ZNF705A: variants seen among roughly 807,000 people sequenced by gnomAD.
The protein encoded by ZNF705A is zinc finger protein 705A.
Under a neutral mutation model 16.6 loss-of-function variants are expected in ZNF705A, and 8 were observed. The ratio of observed to expected loss-of-function variants is 0.48; its 90% confidence interval spans 0.28 to 0.87. The LOEUF is 0.87. Among genes scored for constraint, ZNF705A ranks in the 40% least tolerant of loss-of-function variants. The pLI, the probability that ZNF705A is intolerant of heterozygous loss-of-function variation, is 0.10. For missense variants in ZNF705A, 233 were observed against 359.9 expected (o/e 0.65, Z 2.85); for synonymous variants, 73 against 117.3 (o/e 0.62, Z 2.44).
At chr12:8,162,851 C>A (rs1293551631) in intron 1 of ZNF705A, among the ~76,000 whole-genome samples, 1 of 152,174 alleles carries the variant, frequency 6.6e-6, no homozygotes, top group Non-Finnish European at 1.5e-5. Flanking sequence ...GAATTAATCA[C>A]CCCACTTGCT....
intron 1 of ZNF705A, among the ~76,000 whole-genome samples, chr12:8,157,684 G>T (rs1369773107): frequency 6.6e-6 from 1 of 152,138 alleles, no homozygotes; most frequent in African/African-American, 2.4e-5. Context: ...CCTTCTTTTT[G>T]AATCAGTTGA....
chr12:8,161,500 T>C (rs1948354605), intron 1 of ZNF705A, among the ~76,000 whole-genome samples: 1 of 115,152 alleles, frequency 8.7e-6, no homozygotes, highest in South Asian at 3.4e-4. Context: ...TTTCAGGGTA[T>C]CTAATTCTTC....
At chr12:8,167,055 C>G (rs1355190225) in intron 1 of ZNF705A, among the ~76,000 whole-genome samples, 1 of 152,246 alleles carries the variant, frequency 6.6e-6, no homozygotes, top group Non-Finnish European at 1.5e-5. Flanking sequence ...GACTTCATTT[C>G]TGCAATATAT....
At position 8,174,409 on chromosome 12, in the gene ZNF705A, C is replaced by G. The variant is rs770299765; in HGVS notation, c.96C>G (p.Tyr32Ter). Reference sequence around the variant, plus strand: ...TGGACACATCCAAGAGAAAGCTGTACAGAGATGTGATGCTGGAAAATATCA... The same window carrying G: ...TGGACACATCCAAGAGAAAGCTGTAGAGAGATGTGATGCTGGAAAATATCA... Residue 32 changes from tyrosine to a stop codon, truncating the protein, a stop_gained, in exon 2 of 5, where the codon TAC becomes TAG. Transcript: ENST00000359286. LOFTEE classifies it high-confidence loss of function. 6.3e-7 allele frequency: 1 copy of G among 1,595,218 alleles called. No individual in the cohort carries two copies. Among genetic ancestry groups the G allele is most frequent in the African/African-American group, 1.3e-5 (1 of 74,914 alleles).
intron 1 of ZNF705A, among the ~76,000 whole-genome samples, chr12:8,163,070 C>T (rs1001219429): frequency 8.5e-5 from 13 of 152,156 alleles, no homozygotes; most frequent in African/African-American, 2.4e-4. Context: ...AAAACAACAG[C>T]GAAAGACCAC....
chr12:8,178,969 G>A (rs2120738906), exon 5 of ZNF705A: 1 of 152,248 alleles, frequency 6.6e-6, no homozygotes, highest in Middle Eastern at 3.4e-3. Flanking sequence ...CCCTCGAGTT[G>A]ACACACCAGG....
At chr12:8,165,505 A>G (rs1325704629) in intron 1 of ZNF705A, among the ~76,000 whole-genome samples, 1 of 135,198 alleles carries the variant, frequency 7.4e-6, no homozygotes, top group African/African-American at 2.7e-5. Context: ...CGTGTTAGCC[A>G]GATCTTTGCC....
chr12:8,157,223 T>C (rs1341349815), intron 1 of ZNF705A, 131 bp downstream of exon 1: 1 of 392,240 alleles, frequency 2.5e-6, no homozygotes, highest in African/African-American at 2.1e-5. Context: ...ATTTCAAACT[T>C]AATAGGCTGA....
At chr12:8,160,707 C>T (rs1446902048) in intron 1 of ZNF705A, among the ~76,000 whole-genome samples, 3 of 151,852 alleles carry the variant, frequency 2.0e-5, no homozygotes, top group Non-Finnish European at 4.4e-5. Context: ...ATTCTTCTAT[C>T]AGTTCTAGGA....
chr12:8,176,056 T>C, intron 4 of ZNF705A, 114 bp downstream of exon 5: 2 of 1,517,868 alleles, frequency 1.3e-6, no homozygotes. Flanking sequence ...AAGTGCTTTC[T>C]AAGCAAAAAA....
At chr12:8,157,280 AG>A (rs1227965590) in intron 1 of ZNF705A, among the ~76,000 whole-genome samples, 188 bp downstream of exon 1, 1 of 152,204 alleles carries the variant, frequency 6.6e-6, no homozygotes, top group African/African-American at 2.4e-5. Context: ...AATAGGCAAA[AG>A]AATCAGGAAG....
exon 4 of ZNF705A, chr12:8,175,938 C>T (rs778398314): frequency 1.2e-6 from 2 of 1,611,306 alleles, no homozygotes; most frequent in East Asian, 4.5e-5. Flanking sequence ...ACCAGTATGA[C>T]AATGGTAAGT....
intron 4 of ZNF705A, among the ~76,000 whole-genome samples, 179 bp downstream of exon 5, chr12:8,176,121 A>G (rs1487663756): frequency 6.6e-6 from 1 of 152,222 alleles, no homozygotes; most frequent in Non-Finnish European, 1.5e-5. Flanking sequence ...AAACCATAAC[A>G]TGAGATCTCT....
chr12:8,177,029 G>C (rs758750777), exon 5 of ZNF705A: 2 of 1,611,070 alleles, frequency 1.2e-6, no homozygotes, highest in South Asian at 2.2e-5. Context: ...GGATCCTTTT[G>C]AATGTAATGA....
intron 1 of ZNF705A, among the ~76,000 whole-genome samples, chr12:8,163,160 G>A (rs957353229): frequency 2.0e-5 from 3 of 152,102 alleles, no homozygotes; most frequent in Non-Finnish European, 4.4e-5. Flanking sequence ...ATATAGTCAG[G>A]AAAATTGTCT....
At chr12:8,165,313 C>T (rs1336978898) in intron 1 of ZNF705A, among the ~76,000 whole-genome samples, 36 of 124,174 alleles carry the variant, frequency 2.9e-4, no homozygotes, top group African/African-American at 4.8e-4. Flanking sequence ...GATGGAGTCT[C>T]GCTCTGTCAC....
At chr12:8,176,945 A>G in intron 4 of ZNF705A, 54 bp from the exon 6 acceptor site, 2 of 1,570,288 alleles carry the variant, frequency 1.3e-6, no homozygotes, top group South Asian at 2.2e-5. Flanking sequence ...AGTGAAATGA[A>G]TGTATAGATA....
chr12:8,161,300 G>C (rs1948352530), intron 1 of ZNF705A, among the ~76,000 whole-genome samples: 1 of 152,072 alleles, frequency 6.6e-6, no homozygotes, highest in Non-Finnish European at 1.5e-5. Flanking sequence ...ATTGGTATTA[G>C]GGTGGTGCTG....
intron 2 of ZNF705A, among the ~76,000 whole-genome samples, chr12:8,174,683 A>T (rs2120728459): frequency 6.6e-6 from 1 of 152,298 alleles, no homozygotes; most frequent in Non-Finnish European, 1.5e-5. Context: ...CAAGGATTTC[A>T]TGGTTTCTTT....
Sources: gnomAD v4.1 joint callset for allele counts (sites outside exome capture counted in the v4.1 genomes callset) on GRCh38, gnomAD v4.1.1 for gene constraint, MANE v1.5 for transcripts, NCBI Gene and HGNC (gene_info 2026-07-23, HGNC 2026-07-21) for gene names.